The following HUNK variants were observed in gnomAD, a reference collection of about 807,000 sequenced individuals.
The protein encoded by HUNK is hormonally up-regulated neu tumor-associated kinase.
HUNK carries 21 observed loss-of-function variants against 61.0 expected under a neutral mutation model. The ratio of observed to expected loss-of-function variants is 0.34; its 90% CI spans 0.24 to 0.50. The LOEUF is 0.50. HUNK is among the 20% of genes least tolerant of loss of function. The probability of loss-of-function intolerance (pLI) is 0.98; values close to 1 mark genes in which losing one functional copy is unlikely to be tolerated. For synonymous variants in HUNK, 371 were observed against 386.1 expected, an observed-to-expected ratio of 0.96 and a Z score of 0.46; for missense variants, 772 against 945.7, an observed-to-expected ratio of 0.82 and a Z score of 2.41.
Position 31,924,445 on chromosome 21 carries a change from G to T in HUNK, c.262-23G>T, listed in dbSNP as rs201574800. The T allele has an allele frequency of 3.2e-5, 51 of 1,602,876 alleles. No individual in the cohort carries two copies. Among genetic ancestry groups the T allele is most frequent in the Middle Eastern group, 3.3e-4 (2 of 6,028 alleles). ...TATTGTCTGTAATGTCTGATAACAG[G>T]CATGTTCTTGTTTTCTCCTTAGGTG... On this transcript the variant is annotated intron_variant, in intron 1 of 10. Transcript: ENST00000270112. This position sits in a 1 kb window ranked among gnomAD's most constrained non-coding sequence, Gnocchi z 5.1.
Position 32,001,046 on chromosome 21 carries a change from T to G in HUNK, c.*1862T>G, listed in dbSNP as rs1601418036. 4.4e-6 allele frequency: 1 copy of G among 229,646 alleles called. No individual in the cohort carries two copies. 14.2% of individuals were successfully genotyped at this position (229,646 alleles called of 1,614,324 possible). ...CAGCACTTTGGGAGGCCGAGGCAGG[T>G]GGATCGCTTGAGCTCAGGAGTTCGA... is the stretch of plus-strand genomic sequence containing the variant. On this transcript the variant is annotated 3_prime_UTR_variant, in exon 11 of 11. Coordinates refer to ENST00000270112, the MANE Select transcript of HUNK (RefSeq NM_014586.2).
chr21:31,990,295 T>G, intron 9 of HUNK, 119 bp downstream of exon 9: 1 of 955,636 alleles, frequency 1.0e-6, no homozygotes, highest in Non-Finnish European at 1.6e-6. Context: ...GCTCACACAG[T>G]TTTGTGGGGG....
At chr21:31,877,260 C>T (rs914609817) in intron 1 of HUNK, among the ~76,000 whole-genome samples, 7 of 152,018 alleles carry the variant, frequency 4.6e-5, no homozygotes, top group African/African-American at 1.4e-4. Flanking sequence ...TGTTGTGTTT[C>T]GACTTGGTTA....
intron 1 of HUNK, among the ~76,000 whole-genome samples, chr21:31,920,028 T>C (rs1287973001): frequency 6.6e-6 from 1 of 152,202 alleles, no homozygotes; most frequent in African/African-American, 2.4e-5. Context: ...TTAAAAAGTA[T>C]TGGCAGGGCC....
chr21:31,974,542 C>CGAGG lies in HUNK; in HGVS notation c.1011-13_1011-12insGAGG. 6.2e-7 allele frequency: 1 copy of CGAGG among 1,609,934 alleles called. No homozygotes were observed. The highest frequency in any genetic ancestry group is 8.5e-7 in the Non-Finnish European group (1 of 1,178,046). On this transcript the variant is annotated splice_polypyrimidine_tract_variant and intron_variant, in intron 6 of 10. Transcript: ENST00000270112. ...TGCAGGGGTGACTGGTCCTCTCTCT[C>CGAGG]TGCACCTCGCAGGATTTCTCTGGAA...
chr21:31,940,910 C>T (rs977152884), intron 3 of HUNK, among the ~76,000 whole-genome samples: 2 of 152,068 alleles, frequency 1.3e-5, no homozygotes, highest in Admixed American at 6.5e-5. Context: ...TTTCTCCCAC[C>T]TCAGATGCAA....
intron 1 of HUNK, among the ~76,000 whole-genome samples, chr21:31,897,996 G>T (rs919975905): frequency 2.6e-5 from 4 of 152,160 alleles, no homozygotes; most frequent in Non-Finnish European, 5.9e-5. Flanking sequence ...AGAGAAAGAG[G>T]GAGGCTACGT....
Position 31,999,199 on chromosome 21 carries a change from GT to G in HUNK, c.*18del. The G allele has an allele frequency of 6.3e-7, 1 of 1,578,428 alleles. No homozygotes were observed. Among genetic ancestry groups the G allele is most frequent in the Non-Finnish European group, 8.6e-7 (1 of 1,162,920 alleles). On this transcript the variant is annotated 3_prime_UTR_variant, in exon 11 of 11. Coordinates refer to ENST00000270112, the MANE Select transcript of HUNK (RefSeq NM_014586.2). ...CCCAGTGCTAACTTGGGCCAGCGGG[GT>G]TTGGGGTATCTCTAGAAAACAGCAA...
At chr21:31,952,958 A>G (rs2833575) in intron 4 of HUNK, among the ~76,000 whole-genome samples, 69,998 of 151,828 alleles carry the variant, frequency 0.46, 17,914 homozygotes, top group Non-Finnish European at 0.6. Flanking sequence ...CGGAGAATCC[A>G]GAAAGCCCCT....
chr21:31,931,703 T>C (rs2052697741), intron 2 of HUNK, among the ~76,000 whole-genome samples: 1 of 152,072 alleles, frequency 6.6e-6, no homozygotes, highest in South Asian at 2.1e-4. Context: ...TCTCACGCTC[T>C]CCTCCCCTTC....
rs2013099 is a variant in HUNK, at chr21:31,892,162, A to C, written c.261+18227A>C. On this transcript the variant is annotated intron_variant, in intron 1 of 10. Transcript: ENST00000270112. ...GAGAATTTGGTTAAAAAAAAAAAAA[A>C]ATATATATATATATATATAGAGAGA... Among the ~76,000 whole-genome samples the C allele has an allele frequency of 7.9e-5, 9 of 114,048 alleles. No individual in the cohort carries two copies. The South Asian group carries it at 1.1e-3, about 14-fold the overall frequency. 74.8% of individuals were successfully genotyped at this position (114,048 alleles called of 152,430 possible). A position where few individuals can be genotyped will look rare whatever the true frequency, so the allele number is the denominator to read the frequency against.
At chr21:31,905,919 G>T (rs2052501901) in intron 1 of HUNK, among the ~76,000 whole-genome samples, 1 of 152,180 alleles carries the variant, frequency 6.6e-6, no homozygotes, top group Non-Finnish European at 1.5e-5. Flanking sequence ...GTCACTAGCG[G>T]GCCTGGGGCT....
intron 1 of HUNK, among the ~76,000 whole-genome samples, chr21:31,892,641 T>G (rs2123794168): frequency 6.6e-6 from 1 of 152,046 alleles, no homozygotes; most frequent in Non-Finnish European, 1.5e-5. Flanking sequence ...CATTTAGACT[T>G]TCATAGTTAT....
rs1429289720 is a variant in HUNK at position 31,995,825 on chromosome 21, A to G, written c.1363A>G (p.Lys455Glu). The change falls in exon 10 of 11, where the codon AAG (lysine) becomes GAG (glutamate). Residue 455 changes from lysine (K) to glutamate (E), a missense_variant. Lys to Glu is a moderately conservative substitution (Grantham distance 56). Transcript: ENST00000270112. ...GGATTTTCTTCATCGACCATTCTCC[A>G]AGAAGTTGGACAAGAACCTGCCCTC... ...RGDFLHRPFS[K>E]KLDKNLPSHK... 3 of 1,614,082 alleles carry G rather than the reference A, an allele frequency of 1.9e-6. No individual in the cohort carries two copies. The African/African-American group carries it at 4.0e-5, about 22-fold the overall frequency.
chr21:31,986,438 G>A (rs899950752), intron 8 of HUNK, among the ~76,000 whole-genome samples: 4 of 152,034 alleles, frequency 2.6e-5, no homozygotes, highest in South Asian at 2.1e-4. Flanking sequence ...CCTCCTAACC[G>A]ACTCTCTTGC....
Position 31,924,669 on chromosome 21 carries a change from A to G in HUNK, c.463A>G (p.Lys155Glu). Reference protein sequence around the residue: ...GGNLMHKIYEKKRLEESEARR... With the variant: ...GGNLMHKIYEEKRLEESEARR... Reference sequence around the variant, plus strand: ...CAACCTGATGCACAAGATCTATGAGAAGAAGCGGCTGGAGGAGTCCGAAGC... The same window carrying G: ...CAACCTGATGCACAAGATCTATGAGGAGAAGCGGCTGGAGGAGTCCGAAGC... The change falls in exon 2 of 11, where the codon AAG becomes GAG. Residue 155 changes from lysine to glutamate, a missense_variant. Physicochemically the swap from Lys to Glu is moderately conservative, Grantham distance 56. This residue lies in a region of HUNK where 359 missense variants were observed against 501.3 expected (regional missense o/e 0.72). Transcript: ENST00000270112. This position sits in a 1 kb window ranked among gnomAD's most constrained non-coding sequence, Gnocchi z 5.1. 1 of 1,614,136 alleles carries G rather than the reference A, an allele frequency of 6.2e-7. No homozygotes were observed. The highest frequency in any genetic ancestry group is 8.5e-7 in the Non-Finnish European group (1 of 1,180,020).
chr21:31,893,793 C>T (rs572274083), intron 1 of HUNK, among the ~76,000 whole-genome samples: 1 of 152,302 alleles, frequency 6.6e-6, no homozygotes, highest in African/African-American at 2.4e-5. Flanking sequence ...ACACCTGCCT[C>T]AACACTCAGG....
chr21:31,930,465 C>T (rs2123820414), intron 2 of HUNK, among the ~76,000 whole-genome samples: 1 of 152,336 alleles, frequency 6.6e-6, no homozygotes, highest in East Asian at 1.9e-4. Flanking sequence ...TTGGCTTTGG[C>T]TGAATTCTAC....
intron 1 of HUNK, among the ~76,000 whole-genome samples, chr21:31,884,695 C>T (rs1399521872): frequency 6.6e-6 from 1 of 152,166 alleles, no homozygotes; most frequent in Non-Finnish European, 1.5e-5. Context: ...CCAGAAAACA[C>T]GCCCTCATCA....
Sources: gnomAD v4.1 joint callset for allele counts (sites outside exome capture counted in the v4.1 genomes callset) on GRCh38, gnomAD v4.1.1 for gene constraint, gnomAD v4.1.1 regional missense constraint, Gnocchi (gnomAD v3.1) non-coding constraint, MANE v1.5 for transcripts, NCBI Gene and HGNC (gene_info 2026-07-23, HGNC 2026-07-21) for gene names.